SIRT1: variants seen among roughly 807,000 people sequenced by gnomAD.
The protein encoded by SIRT1 is sirtuin 1, also known as NAD-dependent protein deacetylase sirtuin-1.
A neutral mutation model predicts 67.9 loss-of-function variants in SIRT1; 24 were observed. The observed-to-expected ratio is 0.35, with a 90% CI of 0.26 to 0.50. SIRT1 has a LOEUF of 0.50. Ranked by LOEUF, SIRT1 falls within the 20% of genes least tolerant of loss-of-function variation. SIRT1 has a pLI of 0.98. For synonymous variants in SIRT1, 378 were observed against 350.7 expected, an observed-to-expected ratio of 1.08 and a Z score of -0.87; for missense variants, 873 against 937.2, an observed-to-expected ratio of 0.93 and a Z score of 0.89.
At chr10:67,909,049 T>C (rs34244004) in intron 6 of SIRT1, among the ~76,000 whole-genome samples, 112 of 152,352 alleles carry the variant, frequency 7.4e-4, no homozygotes, top group African/African-American at 2.5e-3. Flanking sequence ...TACATAGATA[T>C]TATAACAAGA....
chr10:67,909,157 A>T (rs528635206), intron 6 of SIRT1, 99 bp from the exon 7 acceptor site: 2 of 771,778 alleles, frequency 2.6e-6, no homozygotes, highest in African/African-American at 1.8e-5. Flanking sequence ...TTTTTTAATA[A>T]TTCTGAAATG....
intron 4 of SIRT1, among the ~76,000 whole-genome samples, chr10:67,894,598 A>G (rs1842623980): frequency 6.6e-6 from 1 of 152,312 alleles, no homozygotes; most frequent in African/African-American, 2.4e-5. Flanking sequence ...TAAATCAACT[A>G]CAAAAAACTT....
intron 2 of SIRT1, 115 bp from the exon 3 acceptor site, chr10:67,888,767 C>T (rs1842525443): frequency 7.8e-6 from 9 of 1,147,930 alleles, no homozygotes; most frequent in Middle Eastern, 2.2e-4. Context: ...CATTAAATTG[C>T]ATTTTCTTAC....
intron 3 of SIRT1, 51 bp from the exon 4 acceptor site, chr10:67,891,351 C>T (rs568933903): frequency 1.3e-6 from 2 of 1,546,910 alleles, no homozygotes; most frequent in East Asian, 2.3e-5. Flanking sequence ...CTAGCTAGTT[C>T]CTATAAAGGT....
At chr10:67,893,413 TTG>T (rs1177293938) in intron 4 of SIRT1, among the ~76,000 whole-genome samples, 18 of 152,316 alleles carry the variant, frequency 1.2e-4, no homozygotes, top group African/African-American at 3.6e-4. Context: ...TTTTCTGTTC[TTG>T]TGTTAGTTTG....
In SIRT1 at chr10:67,889,041, AAAG is replaced by A. The variant is rs1488655453; in HGVS notation, c.710_712del (p.Arg237del). 1 of 1,613,048 alleles carries A rather than the reference AAAG, an allele frequency of 6.2e-7. No homozygotes were observed. The highest frequency in any genetic ancestry group is 1.7e-5 in the Admixed American group (1 of 59,988). On this transcript the variant is annotated inframe_deletion, in exon 3 of 9. Coordinates refer to ENST00000212015, the MANE Select transcript of SIRT1 (RefSeq NM_012238.5). ...CTTTCAGAACCACCAAAAAGGAAAA[AAAG>A]AAAAGATATTAATACAATTGAAGAT... is the stretch of plus-strand genomic sequence containing the variant.
At chr10:67,911,211 T>C (rs1842893974) in intron 7 of SIRT1, among the ~76,000 whole-genome samples, 1 of 152,232 alleles carries the variant, frequency 6.6e-6, no homozygotes, top group Admixed American at 6.5e-5. Flanking sequence ...TTTTATTTTT[T>C]AGAGACGGGT....
chr10:67,905,784 T>C (rs1842812589), intron 4 of SIRT1, among the ~76,000 whole-genome samples: 1 of 152,214 alleles, frequency 6.6e-6, no homozygotes, highest in Non-Finnish European at 1.5e-5. Context: ...TGGTGACTAA[T>C]TTGCTTTTTT....
chr10:67,916,169 A>ACC, intron 8 of SIRT1, 96 bp from the exon 9 acceptor site: 1 of 1,092,752 alleles, frequency 9.2e-7, no homozygotes, highest in East Asian at 2.4e-5. Context: ...GACACTTATA[A>ACC]TAAAGGCAGA....
At chr10:67,910,715 AC>A (rs1204599875) in intron 7 of SIRT1, among the ~76,000 whole-genome samples, 3 of 152,328 alleles carry the variant, frequency 2.0e-5, no homozygotes, top group Non-Finnish European at 4.4e-5. Flanking sequence ...GATATAGTTT[AC>A]CCAAAAGGGT....
At position 67,913,125 on chromosome 10, in the gene SIRT1, C is replaced by T. The variant is rs574259344; in HGVS notation, c.1915+94C>T. On this transcript the variant is annotated intron_variant, in intron 8 of 8. Transcript: ENST00000212015. ...TTCGGCAGGTTAATCGATAGGGTAG[C>T]TTTATGTAGTTGATTCTGTTTAGAG... is the stretch of plus-strand genomic sequence containing the variant. The T allele has an allele frequency of 1.1e-4, 132 of 1,244,498 alleles. No homozygotes were observed. The East Asian group carries it at 2.8e-3, about 26-fold the overall frequency. 77.1% of individuals were successfully genotyped at this position (1,244,498 alleles called of 1,614,324 possible).
intron 4 of SIRT1, chr10:67,906,224 G>C (rs1227949845): frequency 6.7e-7 from 1 of 1,499,228 alleles, no homozygotes; most frequent in East Asian, 2.5e-5. Flanking sequence ...CAGCAACTCA[G>C]CATTCATGAG....
chr10:67,916,916 G>C lies in SIRT1; in HGVS notation c.*323G>C, dbSNP rs566956017. 1 of 165,340 alleles carries C rather than the reference G, an allele frequency of 6.0e-6. No individual in the cohort carries two copies. Among genetic ancestry groups the C allele is most frequent in the South Asian group, 2.0e-4 (1 of 4,946 alleles). The allele number at this position is 165,340 out of a possible 1,614,324, so 10.2% of individuals were successfully genotyped here. ...GTGTATATATAATTTTTTTTGTTTT[G>C]TCTAGTGAGTTTCAACATTTTTAAA... On this transcript the variant is annotated 3_prime_UTR_variant, in exon 9 of 9. Transcript: ENST00000212015.
At position 67,901,950 on chromosome 10, in the gene SIRT1, T is replaced by C. The variant is rs543753993; in HGVS notation, c.943-4840T>C. 2.0e-5 allele frequency among the ~76,000 whole-genome samples: 3 copies of C among 152,256 alleles called. No homozygotes were observed. The East Asian group carries it at 5.8e-4, about 29-fold the overall frequency. On this transcript the variant is annotated intron_variant, in intron 4 of 8. Transcript: ENST00000212015. Reference sequence around the variant, plus strand: ...TTTTTGGTGGTGAGAACATTTAAAATGTACTCTTAATAATTTTCAGGTATA... The same window carrying C: ...TTTTTGGTGGTGAGAACATTTAAAACGTACTCTTAATAATTTTCAGGTATA...
chr10:67,885,253 C>A (rs1292513236), intron 1 of SIRT1, 102 bp downstream of exon 1: 30 of 1,250,750 alleles, frequency 2.4e-5, no homozygotes, highest in Non-Finnish European at 2.9e-5. Flanking sequence ...GGGGCAGGCT[C>A]CGCGGCGTTC....
chr10:67,891,308 TCTCAA>T (rs944688153), intron 3 of SIRT1, 89 bp from the exon 4 acceptor site: 29 of 1,126,750 alleles, frequency 2.6e-5, no homozygotes, highest in Non-Finnish European at 3.7e-5. Context: ...AAATTTTCTT[TCTCAA>T]CTCTTACCTA....
At chr10:67,909,151 TTAA>T (rs1842863218) in intron 6 of SIRT1, 102 bp from the exon 7 acceptor site, 1 of 745,950 alleles carries the variant, frequency 1.3e-6, no homozygotes, top group Non-Finnish European at 2.1e-6. Flanking sequence ...TGTTTTTTTT[TTAA>T]TAATTCTGAA....
intron 4 of SIRT1, among the ~76,000 whole-genome samples, chr10:67,892,811 A>G (rs2131854647): frequency 6.6e-6 from 1 of 152,282 alleles, no homozygotes; most frequent in Middle Eastern, 3.4e-3. Context: ...CAGGTTGGCC[A>G]GGCTGGTGTT....
chr10:67,916,518 T>A lies in SIRT1; in HGVS notation c.2169T>A (p.Asp723Glu), dbSNP rs775109357. 1.9e-6 allele frequency: 3 copies of A among 1,614,070 alleles called. No homozygotes were observed. The highest frequency in any genetic ancestry group is 1.7e-5 in the Admixed American group (1 of 60,002). ...CTGGATTTGGGACTGATGGAGATGATCAAGAGGCAATTAATGAAGCTATAT... is the reference window on the plus strand; with the variant it reads ...CTGGATTTGGGACTGATGGAGATGAACAAGAGGCAATTAATGAAGCTATAT... ...GGAGFGTDGD[D>E]QEAINEAISV... is the part of the protein sequence containing the mutation. The change falls in exon 9 of 9, where the codon GAT (aspartate) becomes GAA (glutamate). Residue 723 changes from aspartate (D) to glutamate (E), a missense_variant. Around this residue, in one of 3 missense-constraint regions of SIRT1, gnomAD observed 295 missense variants for 294.5 expected, o/e 1.00. Coordinates refer to ENST00000212015, the MANE Select transcript of SIRT1 (RefSeq NM_012238.5).
Sources: gnomAD v4.1 joint callset for allele counts (sites outside exome capture counted in the v4.1 genomes callset) on GRCh38, gnomAD v4.1.1 for gene constraint, gnomAD v4.1.1 regional missense constraint, MANE v1.5 for transcripts, NCBI Gene and HGNC (gene_info 2026-07-23, HGNC 2026-07-21) for gene names.